CD6: variants seen among roughly 807,000 people sequenced by gnomAD.
The protein encoded by CD6 is CD6 molecule.
CD6 carries 53 observed loss-of-function variants against 75.3 expected under a neutral mutation model. The ratio of observed to expected loss-of-function variants is 0.70; its 90% CI spans 0.56 to 0.88. The LOEUF (loss-of-function observed/expected upper bound fraction) is 0.88, where lower values mean the gene tolerates loss of function less well. Among genes scored for constraint, CD6 ranks in the 40% least tolerant of loss-of-function variants. The pLI is 0.00. For synonymous variants in CD6, 359 were observed against 381.5 expected, an observed-to-expected ratio of 0.94 and a Z score of 0.69; for missense variants, 770 against 897.1, an observed-to-expected ratio of 0.86 and a Z score of 1.81.
At chr11:61,009,513 G>C in intron 4 of CD6, 59 bp from the exon 5 acceptor site, 1 of 1,473,934 alleles carries the variant, frequency 6.8e-7, no homozygotes, top group Non-Finnish European at 9.0e-7. Flanking sequence ...GTCTGGGCTG[G>C]CGGGAATTTC....
chr11:61,003,943 G>A (rs192768312), intron 1 of CD6, among the ~76,000 whole-genome samples: 109 of 150,622 alleles, frequency 7.2e-4, no homozygotes, highest in African/African-American at 2.6e-3. Flanking sequence ...GAGGTTATCC[G>A]CTTTCAACCA....
intron 1 of CD6, among the ~76,000 whole-genome samples, chr11:60,974,949 G>A (rs1190919903): frequency 3.3e-5 from 5 of 152,230 alleles, no homozygotes; most frequent in Non-Finnish European, 5.9e-5. Flanking sequence ...CGCCAGGGCA[G>A]TGCTGAGCTC....
intron 1 of CD6, among the ~76,000 whole-genome samples, chr11:61,003,989 C>G (rs1858722025): frequency 6.6e-6 from 1 of 152,234 alleles, no homozygotes; most frequent in Non-Finnish European, 1.5e-5. Flanking sequence ...CTCATTCATT[C>G]AGTCAATCAA....
chr11:61,017,632 A>G, intron 10 of CD6, 82 bp downstream of exon 10: 1 of 1,571,086 alleles, frequency 6.4e-7, no homozygotes, highest in South Asian at 1.1e-5. Flanking sequence ...TTCCAGCAGG[A>G]ACCTCCCTCA....
Position 61,020,209 on chromosome 11 carries a change from C to T in CD6, c.*891C>T. 1 of 398,790 alleles carries T rather than the reference C, an allele frequency of 2.5e-6. No homozygotes were observed. The highest frequency in any genetic ancestry group is 4.4e-6 in the Non-Finnish European group (1 of 226,076). 24.7% of individuals were successfully genotyped at this position (398,790 alleles called of 1,614,324 possible). ...CACTAGGCCCCGAGTCCCCATGTGTCTCCTTGAATTGATGAGGATGCTCCT... is the reference window on the plus strand; with the variant it reads ...CACTAGGCCCCGAGTCCCCATGTGTTTCCTTGAATTGATGAGGATGCTCCT... On this transcript the variant is annotated 3_prime_UTR_variant, in exon 13 of 13. Coordinates refer to ENST00000313421, the MANE Select transcript of CD6 (RefSeq NM_006725.5).
At chr11:61,003,372 A>G (rs1420731531) in intron 1 of CD6, among the ~76,000 whole-genome samples, 2 of 152,204 alleles carry the variant, frequency 1.3e-5, no homozygotes, top group African/African-American at 4.8e-5. Flanking sequence ...TCCTTTTCAA[A>G]TAAATTTATT....
In CD6 at chr11:61,007,480, C is replaced by T. The variant is rs183778810; in HGVS notation, c.119-80C>T. 730 of 1,129,412 alleles carry T rather than the reference C, an allele frequency of 6.5e-4. No homozygotes were observed. Among genetic ancestry groups the T allele is most frequent in the Non-Finnish European group, 8.0e-4 (678 of 850,044 alleles). The allele number at this position is 1,129,412 out of a possible 1,614,324, so 70.0% of individuals were successfully genotyped here. A position where few individuals can be genotyped will look rare whatever the true frequency, so the allele number is the denominator to read the frequency against. ...CCAGGCAGGGCGTTGTCAAAGTTCA[C>T]GCACAGAGTCAGTGGCAGAGCCTGG... is the stretch of plus-strand genomic sequence containing the variant. On this transcript the variant is annotated intron_variant, in intron 2 of 12. Transcript: ENST00000313421. The surrounding 1 kb of genome is among the most constrained non-coding windows in gnomAD (Gnocchi z 4.2).
Position 61,020,135 on chromosome 11 carries a change from T to C in CD6, c.*817T>C, listed in dbSNP as rs1288140127. The C allele has an allele frequency of 7.5e-6, 3 of 398,604 alleles. No individual in the cohort carries two copies. The highest frequency in any genetic ancestry group is 7.1e-5 in the East Asian group (2 of 28,070). The allele number at this position is 398,604 out of a possible 1,614,324, so 24.7% of individuals were successfully genotyped here. Reference sequence around the variant, plus strand: ...CCCAGAGATAGGGGCCCAGTCTCCATGGGGGCAAGGAGCATAGAGATGTTT... The same window carrying C: ...CCCAGAGATAGGGGCCCAGTCTCCACGGGGGCAAGGAGCATAGAGATGTTT... On this transcript the variant is annotated 3_prime_UTR_variant, in exon 13 of 13. Coordinates refer to ENST00000313421, the MANE Select transcript of CD6 (RefSeq NM_006725.5).
intron 1 of CD6, chr11:60,987,853 A>C (rs1159613984): frequency 1.3e-5 from 2 of 152,178 alleles, no homozygotes; most frequent in African/African-American, 2.4e-5. Flanking sequence ...AAGCCCAAGG[A>C]TAGCATTTAT....
At chr11:61,003,471 G>T (rs755971490) in intron 1 of CD6, among the ~76,000 whole-genome samples, 1 of 152,144 alleles carries the variant, frequency 6.6e-6, no homozygotes, top group South Asian at 2.1e-4. Context: ...GGTGGCTCAC[G>T]CCTGTAATCC....
At chr11:60,990,890 G>A (rs1858034711) in intron 1 of CD6, among the ~76,000 whole-genome samples, 1 of 151,658 alleles carries the variant, frequency 6.6e-6, no homozygotes, top group African/African-American at 2.4e-5. Flanking sequence ...GTTCATTCCT[G>A]CAATGGAATA....
At chr11:60,974,429 T>C (rs191528177) in intron 1 of CD6, among the ~76,000 whole-genome samples, 168 of 152,330 alleles carry the variant, frequency 1.1e-3, no homozygotes, top group African/African-American at 4.0e-3. Context: ...GTATTTTTAG[T>C]AGAGACGTGG....
chr11:61,002,540 G>C lies in CD6; in HGVS notation c.50-4034G>C, dbSNP rs143504320. ...CCACTGCACTCCAGCCTGGGTGACA[G>C]AGCAAGACACTGTTTCAAAAAAAAA... On this transcript the variant is annotated intron_variant, in intron 1 of 12. Coordinates refer to ENST00000313421, the MANE Select transcript of CD6 (RefSeq NM_006725.5). 7.4e-3 allele frequency among the ~76,000 whole-genome samples: 1,129 copies of C among 152,052 alleles called. 16 individuals carry two copies. The highest frequency in any genetic ancestry group is 0.026 in the African/African-American group (1,074 of 41,468).
chr11:61,004,052 C>G (rs1489848105), intron 1 of CD6, among the ~76,000 whole-genome samples: 1 of 152,230 alleles, frequency 6.6e-6, no homozygotes, highest in Admixed American at 6.5e-5. Flanking sequence ...AGCCATGGGC[C>G]CTGCCCTCTA....
At chr11:60,973,912 CG>C (rs1010260803) in intron 1 of CD6, among the ~76,000 whole-genome samples, 23 of 152,134 alleles carry the variant, frequency 1.5e-4, no homozygotes, top group African/African-American at 5.6e-4. Flanking sequence ...TGCCCCTCTC[CG>C]GGGCTGATGC....
chr11:60,984,465 T>A (rs1232284419), intron 1 of CD6, among the ~76,000 whole-genome samples: 1 of 152,174 alleles, frequency 6.6e-6, no homozygotes, highest in Non-Finnish European at 1.5e-5. Context: ...TCAGCACCTC[T>A]CCACCTTAGG....
chr11:61,006,761 A>T (rs1046829890), intron 2 of CD6, 119 bp downstream of exon 2: 1 of 779,440 alleles, frequency 1.3e-6, no homozygotes, highest in South Asian at 1.5e-5. Context: ...TTCAGACAAC[A>T]CTTCTTCCTG....
rs556220460 is a variant in CD6, at chr11:61,019,957, G to A, written c.*639G>A. 2.5e-6 allele frequency: 1 copy of A among 395,472 alleles called. No homozygotes were observed. Among genetic ancestry groups the A allele is most frequent in the East Asian group, 3.6e-5 (1 of 27,934 alleles). The allele number at this position is 395,472 out of a possible 1,614,324, so 24.5% of individuals were successfully genotyped here. ...GGTTGACTGTGTACCCCCAACCAAG[G>A]AGCTGGGGCCCAAGGCCAGTCCTGC... On this transcript the variant is annotated 3_prime_UTR_variant, in exon 13 of 13. Transcript: ENST00000313421.
Position 61,017,538 on chromosome 11 carries a change from C to T in CD6, c.1570C>T (p.Pro524Ser), listed in dbSNP as rs1329756234. 6.4e-7 allele frequency: 1 copy of T among 1,554,734 alleles called. No individual in the cohort carries two copies. Among genetic ancestry groups the T allele is most frequent in the Non-Finnish European group, 8.7e-7 (1 of 1,148,774 alleles). ...EVQQSRFQMP[P>S]LEEGLEELHA... is the part of the protein sequence containing the mutation. ...CCAGCAAAGCAGGTTCCAGATGCCA[C>T]CCTTGGAGGAAGGTGAGTCAGGATG... is the stretch of plus-strand genomic sequence containing the variant. Residue 524 changes from proline (P) to serine (S), a missense_variant, in exon 10 of 13, where the codon CCC becomes TCC. Physicochemically the swap from Pro to Ser is moderately conservative, Grantham distance 74. Transcript: ENST00000313421.
Sources: allele counts gnomAD v4.1 joint callset (sites outside exome capture counted in the v4.1 genomes callset), GRCh38; gene constraint gnomAD v4.1.1; non-coding constraint Gnocchi (gnomAD v3.1); transcripts MANE v1.5; gene names NCBI Gene and HGNC (gene_info 2026-07-23, HGNC 2026-07-21).